SNTG2: variants seen among roughly 807,000 people sequenced by gnomAD.
The protein encoded by SNTG2 is syntrophin gamma 2, also known as gamma-2-syntrophin.
In SNTG2, 74 loss-of-function variants were observed where a neutral mutation model predicts 70.9. The observed-to-expected ratio is 1.04, with a 90% CI of 0.86 to 1.27. The LOEUF (loss-of-function observed/expected upper bound fraction) is 1.27. SNTG2 is among the 50% of genes most tolerant of loss of function. The pLI is 0.00. For synonymous variants in SNTG2, 278 were observed against 273.8 expected, an observed-to-expected ratio of 1.02 and a Z score of -0.15; for missense variants, 717 against 690.7, an observed-to-expected ratio of 1.04 and a Z score of -0.43.
At chr2:956,702 C>T (rs1295063548) in intron 1 of SNTG2, among the ~76,000 whole-genome samples, 4 of 152,224 alleles carry the variant, frequency 2.6e-5, no homozygotes, top group South Asian at 2.1e-4. Context: ...GGACACAGCC[C>T]GGGGAACTCG....
chr2:1,070,380 ACTC>A (rs1365118040), intron 1 of SNTG2, among the ~76,000 whole-genome samples: 6 of 151,824 alleles, frequency 4.0e-5, no homozygotes, highest in Non-Finnish European at 7.4e-5. Context: ...GCTTTTGTTC[ACTC>A]CTCTGTAAAA....
At chr2:1,155,914 C>T (rs1218070319) in intron 6 of SNTG2, among the ~76,000 whole-genome samples, 1 of 152,052 alleles carries the variant, frequency 6.6e-6, no homozygotes, top group Non-Finnish European at 1.5e-5. Flanking sequence ...CGCTGCTCCC[C>T]ATGGACCCCA....
At chr2:1,281,606 G>A (rs568509368) in intron 14 of SNTG2, among the ~76,000 whole-genome samples, 34 of 152,014 alleles carry the variant, frequency 2.2e-4, no homozygotes, top group African/African-American at 7.5e-4. Flanking sequence ...TGCAGGACAC[G>A]TGTCCCGGAC....
chr2:1,004,165 C>A (rs1044853370), intron 1 of SNTG2, among the ~76,000 whole-genome samples: 3 of 152,170 alleles, frequency 2.0e-5, no homozygotes, highest in African/African-American at 7.2e-5. Context: ...TAGTGCCTGA[C>A]ATGACTGTCC....
At position 1,056,022 on chromosome 2, in the gene SNTG2, T is replaced by A. The variant is rs376974625; in HGVS notation, c.73-27496T>A. Among the ~76,000 whole-genome samples the A allele has an allele frequency of 7.2e-5, 11 of 151,832 alleles. No individual in the cohort carries two copies. The East Asian group carries it at 1.8e-3, about 24-fold the overall frequency. On this transcript the variant is annotated intron_variant, in intron 1 of 16. Coordinates refer to ENST00000308624, the MANE Select transcript of SNTG2 (RefSeq NM_018968.4). ...ACTGCAGCTTCATCTCTCAGACGGCTCCTTGTCCCCACTGTTTCAGAGTGG... is the reference window on the plus strand; with the variant it reads ...ACTGCAGCTTCATCTCTCAGACGGCACCTTGTCCCCACTGTTTCAGAGTGG...
intron 1 of SNTG2, among the ~76,000 whole-genome samples, chr2:1,055,555 C>G (rs1662339172): frequency 1.3e-5 from 2 of 151,794 alleles, no homozygotes; most frequent in Non-Finnish European, 2.9e-5. Context: ...CCCATCGAGA[C>G]AAAAATACTA....
At chr2:1,262,623 A>T (rs574725177) in intron 13 of SNTG2, among the ~76,000 whole-genome samples, 2,931 of 136,182 alleles carry the variant, frequency 0.022, 218 homozygotes, top group Non-Finnish European at 0.03. Context: ...AGTCCAGACG[A>T]GGAAACCCAA....
intron 14 of SNTG2, among the ~76,000 whole-genome samples, chr2:1,284,043 A>G (rs1054814306): frequency 7.2e-5 from 11 of 152,112 alleles, no homozygotes; most frequent in African/African-American, 2.4e-4. Context: ...AATGATCCTG[A>G]GTATTGCTCT....
At chr2:1,208,845 C>G (rs1401168053) in intron 8 of SNTG2, among the ~76,000 whole-genome samples, 1 of 152,170 alleles carries the variant, frequency 6.6e-6, no homozygotes, top group Non-Finnish European at 1.5e-5. Flanking sequence ...GATTTAGGCC[C>G]CTCTTCTCCT....
At chr2:1,300,479 A>T (rs1680413004) in intron 14 of SNTG2, among the ~76,000 whole-genome samples, 1 of 152,130 alleles carries the variant, frequency 6.6e-6, no homozygotes, top group Non-Finnish European at 1.5e-5. Flanking sequence ...CCCTGGACAC[A>T]AGCTGCGGCC....
chr2:1,045,439 T>G (rs554560468), intron 1 of SNTG2, among the ~76,000 whole-genome samples: 1 of 152,236 alleles, frequency 6.6e-6, no homozygotes, highest in South Asian at 2.1e-4. Flanking sequence ...GCTTGTTTGC[T>G]CTTTCTTTTT....
intron 2 of SNTG2, among the ~76,000 whole-genome samples, chr2:1,085,274 TA>T (rs758477505): frequency 3.7e-4 from 56 of 152,316 alleles, no homozygotes; most frequent in African/African-American, 1.3e-3. Context: ...AATCTCAAAG[TA>T]AAAACACTAA....
intron 16 of SNTG2, among the ~76,000 whole-genome samples, chr2:1,366,292 C>A (rs1004786011): frequency 6.6e-6 from 1 of 152,126 alleles, no homozygotes. Flanking sequence ...GGTGGCAGGA[C>A]GGCAAGATTC....
At chr2:1,316,119 C>G in intron 15 of SNTG2, 146 bp from the exon 16 acceptor site, 1 of 574,910 alleles carries the variant, frequency 1.7e-6, no homozygotes. Flanking sequence ...AAAGTAGAGA[C>G]AGACAAATCA....
At chr2:1,079,504 G>A (rs540520468) in intron 1 of SNTG2, among the ~76,000 whole-genome samples, 1 of 152,290 alleles carries the variant, frequency 6.6e-6, no homozygotes, top group African/African-American at 2.4e-5. Context: ...TATTTCAGAT[G>A]GCATCATCTG....
chr2:967,007 T>G (rs2147952191), intron 1 of SNTG2, among the ~76,000 whole-genome samples: 1 of 152,254 alleles, frequency 6.6e-6, no homozygotes, highest in East Asian at 1.9e-4. Context: ...TTTTTAATTT[T>G]AAAAAGCTTC....
intron 1 of SNTG2, among the ~76,000 whole-genome samples, chr2:1,007,548 C>A (rs990324207): frequency 3.5e-4 from 53 of 152,096 alleles, no homozygotes; most frequent in African/African-American, 2.9e-4. Flanking sequence ...AATCACCCAC[C>A]ACAAGGCATA....
chr2:987,768 G>A (rs1394308890), intron 1 of SNTG2, among the ~76,000 whole-genome samples: 1 of 152,118 alleles, frequency 6.6e-6, no homozygotes, highest in East Asian at 1.9e-4. Context: ...GAGGGTTGAT[G>A]GGGCCTCCGC....
chr2:1,288,853 A>G (rs1679875830), intron 14 of SNTG2, among the ~76,000 whole-genome samples: 2 of 152,036 alleles, frequency 1.3e-5, no homozygotes, highest in South Asian at 4.1e-4. Flanking sequence ...ACCTATGCAC[A>G]CACATGCAGC....
Sources: gnomAD v4.1 joint callset for allele counts (sites outside exome capture counted in the v4.1 genomes callset) on GRCh38, gnomAD v4.1.1 for gene constraint, MANE v1.5 for transcripts, NCBI Gene and HGNC (gene_info 2026-07-23, HGNC 2026-07-21) for gene names.